Variants in MYO9A observed in about 807,000 individuals in gnomAD.
MYO9A encodes the protein myosin IXA, also known as unconventional myosin-IXa.
In MYO9A, 103 loss-of-function variants were observed where a neutral mutation model predicts 293.3. The ratio of observed to expected loss-of-function variants is 0.35; its 90% CI spans 0.30 to 0.41. The LOEUF (loss-of-function observed/expected upper bound fraction) is 0.41, where lower values mean the gene tolerates loss of function less well. MYO9A is among the 10% of genes least tolerant of loss of function. The pLI is 1.00. For missense variants in MYO9A, 2,685 were observed against 3,033.0 expected (o/e 0.89, Z 2.69); for synonymous variants, 1,001 against 1,035.7 (o/e 0.97, Z 0.64).
rs1029802770 is a variant in MYO9A at position 72,117,683 on chromosome 15, G to C, written c.-75C>G. ...TGGGCGCTTGGGCGGGTCTTACCTC[G>C]GGCTCCGCCGCGGTGGCCACCGCAG... On this transcript the variant is annotated 5_prime_UTR_variant, in exon 1 of 42. Transcript: ENST00000356056. The C allele has an allele frequency of 3.8e-5, 15 of 396,382 alleles. No homozygotes were observed. The highest frequency in any genetic ancestry group is 5.8e-5 in the Non-Finnish European group (13 of 225,028). The allele number at this position is 396,382 out of a possible 1,614,324, so 24.6% of individuals were successfully genotyped here.
At chr15:71,990,519 G>A (rs2076513415) in intron 11 of MYO9A, among the ~76,000 whole-genome samples, 2 of 152,124 alleles carry the variant, frequency 1.3e-5, no homozygotes, top group Admixed American at 6.5e-5. Context: ...ACTTTGGGAG[G>A]CTGAGGCGGG....
chr15:71,928,056 A>ATATATATTATTATT (rs1567282448), intron 18 of MYO9A, among the ~76,000 whole-genome samples: 1 of 6,040 alleles, frequency 1.7e-4, no homozygotes, highest in African/African-American at 3.3e-4. Context: ...ATATATATAT[A>ATATATATTATTATT]TTTTTTTTTT....
At chr15:71,930,458 C>T (rs1182967009) in intron 18 of MYO9A, among the ~76,000 whole-genome samples, 3 of 151,920 alleles carry the variant, frequency 2.0e-5, no homozygotes, top group African/African-American at 4.8e-5. Context: ...ATATGTTGAC[C>T]TTCTTTATCT....
chr15:72,069,396 T>C (rs1269476902), intron 1 of MYO9A, among the ~76,000 whole-genome samples: 1 of 152,182 alleles, frequency 6.6e-6, no homozygotes, highest in Non-Finnish European at 1.5e-5. Context: ...GAATATTTTT[T>C]TGTCTTTCCA....
intron 13 of MYO9A, among the ~76,000 whole-genome samples, chr15:71,965,774 C>CTG (rs1365683091): frequency 7.7e-4 from 118 of 152,318 alleles, no homozygotes; most frequent in African/African-American, 2.6e-3. Context: ...ACCCCAAAAA[C>CTG]ATTTAGTGAT....
At chr15:71,943,518 T>C (rs968436099) in intron 15 of MYO9A, among the ~76,000 whole-genome samples, 1 of 152,092 alleles carries the variant, frequency 6.6e-6, no homozygotes, top group South Asian at 2.1e-4. Context: ...CTTCATAACA[T>C]GTAATTAAAC....
chr15:71,874,705 G>A (rs2056627757), intron 32 of MYO9A, among the ~76,000 whole-genome samples: 1 of 152,178 alleles, frequency 6.6e-6, no homozygotes, highest in Non-Finnish European at 1.5e-5. Flanking sequence ...GAGGTGATGT[G>A]AAATGGTAAG....
intron 41 of MYO9A, 31 bp from the exon 42 acceptor site, chr15:71,827,074 T>C: frequency 6.8e-7 from 1 of 1,472,890 alleles, no homozygotes; most frequent in East Asian, 2.3e-5. Flanking sequence ...AAGATGTAAA[T>C]GACAGTGCCC....
chr15:72,036,229 GAATA>G (rs1304372046), intron 2 of MYO9A, among the ~76,000 whole-genome samples: 3 of 152,112 alleles, frequency 2.0e-5, no homozygotes, highest in Non-Finnish European at 2.9e-5. Context: ...GTTGCCCCAT[GAATA>G]AATACATAAA....
intron 14 of MYO9A, among the ~76,000 whole-genome samples, chr15:71,956,859 A>ACACAC (rs1231223474): frequency 2.2e-4 from 20 of 89,276 alleles, no homozygotes; most frequent in Middle Eastern, 6.7e-3. Flanking sequence ...ACACACACAC[A>ACACAC]AATATATATA....
intron 18 of MYO9A, among the ~76,000 whole-genome samples, chr15:71,919,565 A>G (rs975022802): frequency 1.3e-5 from 2 of 151,922 alleles, no homozygotes; most frequent in Non-Finnish European, 2.9e-5. Flanking sequence ...TATTAGTTTG[A>G]ATGAATTAAA....
intron 1 of MYO9A, among the ~76,000 whole-genome samples, chr15:72,097,200 C>T (rs2080091865): frequency 1.3e-5 from 2 of 152,174 alleles, no homozygotes; most frequent in South Asian, 4.1e-4. Flanking sequence ...ACAAATCTTT[C>T]ATTAAAGGAA....
intron 8 of MYO9A, 83 bp from the exon 9 acceptor site, chr15:72,000,023 G>A (rs2076818274): frequency 4.5e-6 from 5 of 1,118,944 alleles, no homozygotes; most frequent in South Asian, 1.5e-5. Flanking sequence ...AATAGAGGAG[G>A]AAAAGCTTAA....
chr15:72,085,936 C>G (rs2079707798), intron 1 of MYO9A, among the ~76,000 whole-genome samples: 1 of 152,178 alleles, frequency 6.6e-6, no homozygotes, highest in Non-Finnish European at 1.5e-5. Flanking sequence ...ATTACATGCT[C>G]TAAATCTGGG....
intron 1 of MYO9A, among the ~76,000 whole-genome samples, chr15:72,112,098 G>T (rs1209468560): frequency 6.6e-6 from 1 of 151,640 alleles, no homozygotes; most frequent in African/African-American, 2.4e-5. Context: ...GCCTATCTAA[G>T]GAAAAAGAAT....
intron 1 of MYO9A, among the ~76,000 whole-genome samples, chr15:72,077,402 C>G (rs938068038): frequency 6.6e-6 from 1 of 151,890 alleles, no homozygotes. Context: ...CAAAATATAC[C>G]TTAAAGATGC....
chr15:71,980,639 A>C (rs982720997), intron 11 of MYO9A, among the ~76,000 whole-genome samples: 2 of 152,134 alleles, frequency 1.3e-5, no homozygotes, highest in Non-Finnish European at 2.9e-5. Context: ...GTTTGAGACT[A>C]ACCAGGACAA....
rs572833552 is a variant in MYO9A at position 72,086,090 on chromosome 15, T to A, written c.-72+31590A>T. 9.2e-5 allele frequency among the ~76,000 whole-genome samples: 14 copies of A among 152,292 alleles called. No individual in the cohort carries two copies. In the South Asian group the frequency reaches 2.1e-3, roughly 23 times the overall value. ...GGTGCCAAAGAGTTTTGTAAGGCAG[T>A]GGCAGTGGGATCTACCCTCATTCCC... On this transcript the variant is annotated intron_variant, in intron 1 of 41. Coordinates refer to ENST00000356056, the MANE Select transcript of MYO9A (RefSeq NM_006901.4).
At chr15:71,896,016 A>G (rs994984379) in intron 25 of MYO9A, among the ~76,000 whole-genome samples, 2 of 152,212 alleles carry the variant, frequency 1.3e-5, no homozygotes, top group African/African-American at 2.4e-5. Context: ...ATGACAGGGA[A>G]TATGTTTTTA....
Sources: allele counts gnomAD v4.1 joint callset (sites outside exome capture counted in the v4.1 genomes callset), GRCh38; gene constraint gnomAD v4.1.1; transcripts MANE v1.5; gene names NCBI Gene and HGNC (gene_info 2026-07-23, HGNC 2026-07-21).